Variants in PTPRT observed in about 807,000 individuals in gnomAD.
PTPRT encodes receptor-type tyrosine-protein phosphatase T.
In PTPRT, 56 loss-of-function variants were observed where a neutral mutation model predicts 176.8. The ratio of observed to expected loss-of-function variants is 0.32; its 90% CI spans 0.26 to 0.40. The LOEUF is 0.40. Among genes scored for constraint, PTPRT ranks in the 10% least tolerant of loss-of-function variants. The pLI, the probability that PTPRT is intolerant of heterozygous loss-of-function variation, is 1.00. For synonymous variants in PTPRT, 783 were observed against 739.0 expected, an observed-to-expected ratio of 1.06 and a Z score of -0.96; for missense variants, 1,540 against 1,908.2, an observed-to-expected ratio of 0.81 and a Z score of 3.60.
At chr20:42,314,643 A>G (rs2057689502) in intron 12 of PTPRT, among the ~76,000 whole-genome samples, 1 of 152,216 alleles carries the variant, frequency 6.6e-6, no homozygotes, top group Non-Finnish European at 1.5e-5. Context: ...TTTAGCTTGC[A>G]GAAAAGACAA....
intron 6 of PTPRT, among the ~76,000 whole-genome samples, chr20:42,742,365 G>GC (rs764760978): frequency 1.0e-3 from 154 of 152,312 alleles, no homozygotes; most frequent in Non-Finnish European, 1.9e-3. Context: ...CACCTGCCCC[G>GC]CCCTCACGGG....
At chr20:42,817,230 T>C (rs2077802531) in intron 2 of PTPRT, among the ~76,000 whole-genome samples, 1 of 152,122 alleles carries the variant, frequency 6.6e-6, no homozygotes, top group Admixed American at 6.5e-5. Context: ...CATGTAGAAA[T>C]AACCACCAAA....
intron 7 of PTPRT, among the ~76,000 whole-genome samples, chr20:42,596,390 C>T (rs541080728): frequency 2.9e-4 from 44 of 152,346 alleles, no homozygotes; most frequent in Admixed American, 7.2e-4. Flanking sequence ...GTTTGTTCCT[C>T]TGAACTAATG....
At chr20:42,110,049 CT>C (rs747975893) in intron 23 of PTPRT, among the ~76,000 whole-genome samples, 5,161 of 139,540 alleles carry the variant, frequency 0.037, 131 homozygotes, top group Middle Eastern at 0.071. Context: ...AGGACTTTTT[CT>C]TTTTTTTTTT....
At chr20:42,139,654 G>A (rs961850577) in intron 18 of PTPRT, among the ~76,000 whole-genome samples, 5 of 152,260 alleles carry the variant, frequency 3.3e-5, no homozygotes, top group African/African-American at 4.8e-5. Context: ...CAGCTTTGGA[G>A]AAAGTCCTCA....
At chr20:42,338,661 A>C (rs2058072478) in intron 11 of PTPRT, among the ~76,000 whole-genome samples, 1 of 152,096 alleles carries the variant, frequency 6.6e-6, no homozygotes, top group Non-Finnish European at 1.5e-5. Context: ...TTTTTTTGAA[A>C]AAAAACATTG....
intron 16 of PTPRT, among the ~76,000 whole-genome samples, chr20:42,182,907 GGT>G (rs10608197): frequency 0.051 from 7,423 of 144,618 alleles, 401 homozygotes; most frequent in African/African-American, 0.14. Context: ...TACAAGCAGG[GGT>G]GTGTGTGTGT....
intron 1 of PTPRT, among the ~76,000 whole-genome samples, chr20:43,023,909 C>G (rs1985808688): frequency 6.6e-6 from 1 of 152,168 alleles, no homozygotes; most frequent in African/African-American, 2.4e-5. Context: ...GTAAATATAG[C>G]TTTGTGTGCT....
chr20:42,961,095 T>C (rs934582143), intron 1 of PTPRT, among the ~76,000 whole-genome samples: 1 of 151,964 alleles, frequency 6.6e-6, no homozygotes, highest in Non-Finnish European at 1.5e-5. Context: ...GATAAACAGA[T>C]AAAAAGAGAT....
At chr20:43,041,395 G>A (rs777260277) in intron 1 of PTPRT, among the ~76,000 whole-genome samples, 1 of 152,160 alleles carries the variant, frequency 6.6e-6, no homozygotes, top group Non-Finnish European at 1.5e-5. Flanking sequence ...ATTTATGAAG[G>A]TGACAACAGA....
chr20:43,163,496 G>A (rs2014763139), intron 1 of PTPRT, among the ~76,000 whole-genome samples: 1 of 152,132 alleles, frequency 6.6e-6, no homozygotes, highest in Non-Finnish European at 1.5e-5. Context: ...AAATTAGCCA[G>A]GCGTGGTGGT....
At chr20:43,045,721 C>A (rs981996364) in intron 1 of PTPRT, among the ~76,000 whole-genome samples, 8 of 151,854 alleles carry the variant, frequency 5.3e-5, no homozygotes, top group Admixed American at 2.0e-4. Flanking sequence ...CCTCAGCCCC[C>A]CAATGTGCCA....
intron 19 of PTPRT, among the ~76,000 whole-genome samples, chr20:42,125,611 G>A (rs1987815782): frequency 6.6e-6 from 1 of 152,210 alleles, no homozygotes; most frequent in Non-Finnish European, 1.5e-5. Flanking sequence ...TTAACCTACA[G>A]CTCTGGTTTC....
At chr20:42,945,717 A>G (rs904989371) in intron 1 of PTPRT, among the ~76,000 whole-genome samples, 3 of 152,168 alleles carry the variant, frequency 2.0e-5, no homozygotes, top group Non-Finnish European at 2.9e-5. Flanking sequence ...CTTCGCTCTT[A>G]ATGAGGTAAA....
chr20:42,414,753 TGAAA>T (rs981882125), intron 9 of PTPRT, among the ~76,000 whole-genome samples: 1 of 152,188 alleles, frequency 6.6e-6, no homozygotes, highest in African/African-American at 2.4e-5. Context: ...CTCAGAAATA[TGAAA>T]GATTTTATGA....
At chr20:42,455,989 T>C (rs1186248412) in intron 8 of PTPRT, among the ~76,000 whole-genome samples, 1 of 152,086 alleles carries the variant, frequency 6.6e-6, no homozygotes. Context: ...TTGCATGTAT[T>C]ATAGATCAAA....
chr20:42,972,202 G>T (rs1300941413), intron 1 of PTPRT, among the ~76,000 whole-genome samples: 1 of 146,170 alleles, frequency 6.8e-6, no homozygotes, highest in Non-Finnish European at 1.5e-5. Context: ...GGCATTCCAT[G>T]CAGAGGAAAC....
At chr20:42,178,091 C>T (rs1227087331) in intron 16 of PTPRT, among the ~76,000 whole-genome samples, 1 of 152,118 alleles carries the variant, frequency 6.6e-6, no homozygotes, top group Non-Finnish European at 1.5e-5. Flanking sequence ...GCACCTGCCA[C>T]CACACCCGGC....
At chr20:42,780,564 C>T (rs576499328) in intron 3 of PTPRT, among the ~76,000 whole-genome samples, 1 of 152,284 alleles carries the variant, frequency 6.6e-6, no homozygotes, top group African/African-American at 2.4e-5. Context: ...ACAACCCAAA[C>T]ACCGAGGTCT....
Sources: gnomAD v4.1 joint callset for allele counts (sites outside exome capture counted in the v4.1 genomes callset) on GRCh38, gnomAD v4.1.1 for gene constraint, MANE v1.5 for transcripts, NCBI Gene and HGNC (gene_info 2026-07-23, HGNC 2026-07-21) for gene names.